DLG2: variants seen among roughly 807,000 people sequenced by gnomAD.
DLG2 encodes the protein discs large MAGUK scaffold protein 2, also known as disks large homolog 2.
DLG2 carries 45 observed loss-of-function variants against 132.5 expected under a neutral mutation model. The observed-to-expected ratio is 0.34, with a 90% confidence interval of 0.27 to 0.44. The LOEUF (loss-of-function observed/expected upper bound fraction) is 0.44, where lower values mean the gene tolerates loss of function less well. Ranked by LOEUF, DLG2 falls within the 20% of genes least tolerant of loss-of-function variation. The probability of loss-of-function intolerance (pLI) is 1.00; values close to 1 mark genes in which losing one functional copy is unlikely to be tolerated. For missense variants in DLG2, 1,045 were observed against 1,196.9 expected, an observed-to-expected ratio of 0.87 and a Z score of 1.87; for synonymous variants, 424 against 419.6, an observed-to-expected ratio of 1.01 and a Z score of -0.13.
chr11:85,066,796 C>A (rs1303444550), intron 6 of DLG2, among the ~76,000 whole-genome samples: 3 of 151,496 alleles, frequency 2.0e-5, no homozygotes, highest in African/African-American at 4.8e-5. Flanking sequence ...AGCTTCAAGA[C>A]AATAAAAGCC....
At chr11:84,080,992 CA>C (rs10707492) in intron 10 of DLG2, among the ~76,000 whole-genome samples, 125,447 of 137,172 alleles carry the variant, frequency 0.91, 57,416 homozygotes, top group East Asian at 0.99. Context: ...AACTCTGTCT[CA>C]AAAAAAAAAA....
intron 6 of DLG2, among the ~76,000 whole-genome samples, chr11:85,053,215 T>C (rs1479983140): frequency 6.6e-6 from 1 of 152,098 alleles, no homozygotes; most frequent in Admixed American, 6.6e-5. Context: ...CTTCCAGCCC[T>C]GCCATTCCAT....
intron 4 of DLG2, among the ~76,000 whole-genome samples, chr11:85,240,638 G>A (rs1157721792): frequency 6.6e-6 from 1 of 151,626 alleles, no homozygotes; most frequent in East Asian, 1.9e-4. Context: ...CTGTATGTGT[G>A]GTCAGTTTAT....
At chr11:83,656,309 C>T (rs772694872) in intron 18 of DLG2, among the ~76,000 whole-genome samples, 4 of 152,216 alleles carry the variant, frequency 2.6e-5, no homozygotes, top group Non-Finnish European at 5.9e-5. Context: ...GGTTGAATCC[C>T]TGCAGGCAAC....
chr11:84,190,320 T>C (rs1403011071), intron 8 of DLG2, among the ~76,000 whole-genome samples: 1 of 152,164 alleles, frequency 6.6e-6, no homozygotes, highest in East Asian at 1.9e-4. Flanking sequence ...GACTTTACTA[T>C]GACTAGAAAA....
intron 9 of DLG2, among the ~76,000 whole-genome samples, chr11:84,112,748 G>T (rs1040154453): frequency 1.3e-5 from 2 of 152,068 alleles, no homozygotes; most frequent in African/African-American, 4.8e-5. Context: ...ACCTTGACTA[G>T]GCAAGAGGGA....
At chr11:84,131,361 G>C (rs574481113) in intron 9 of DLG2, among the ~76,000 whole-genome samples, 22 of 152,072 alleles carry the variant, frequency 1.4e-4, no homozygotes, top group Non-Finnish European at 2.5e-4. Flanking sequence ...TGAGCCCTTT[G>C]AGTGGATTTG....
intron 7 of DLG2, among the ~76,000 whole-genome samples, chr11:84,413,844 G>A (rs1344540630): frequency 6.6e-6 from 1 of 151,940 alleles, no homozygotes; most frequent in African/African-American, 2.4e-5. Context: ...TTTTTCTTCA[G>A]TATAATTATC....
intron 6 of DLG2, among the ~76,000 whole-genome samples, chr11:84,868,177 A>C (rs534632512): frequency 6.8e-6 from 1 of 148,140 alleles, no homozygotes; most frequent in Admixed American, 6.8e-5. Context: ...TATTATTATT[A>C]TTGTTATGGA....
At chr11:84,545,570 G>C in intron 6 of DLG2, 1 of 374,442 alleles carries the variant, frequency 2.7e-6, no homozygotes, top group South Asian at 2.3e-5. Context: ...AACACTCTTT[G>C]AAGTTTCCTA....
In DLG2 at chr11:83,888,145, A is replaced by T. The variant is rs945752459; in HGVS notation, c.1497-13657T>A. ...AAATAAAGGGTATTCAATTAGGAAA[A>T]GAGGAAGTCAAATTGTCCCTGTTTG... On this transcript the variant is annotated intron_variant, in intron 15 of 27. Transcript: ENST00000376104. Among the ~76,000 whole-genome samples, 460 of 150,948 alleles carry T rather than the reference A, an allele frequency of 3.0e-3. 6 individuals carry two copies. Among genetic ancestry groups the T allele is most frequent in the African/African-American group, 0.011 (438 of 41,104 alleles).
intron 7 of DLG2, among the ~76,000 whole-genome samples, chr11:84,256,101 A>G (rs1289362147): frequency 6.6e-6 from 1 of 151,968 alleles, no homozygotes; most frequent in Non-Finnish European, 1.5e-5. Context: ...TTACATGAAC[A>G]ATTTTGTTTA....
chr11:85,486,627 C>T (rs939115365), intron 3 of DLG2, among the ~76,000 whole-genome samples: 4 of 152,158 alleles, frequency 2.6e-5, no homozygotes, highest in African/African-American at 9.7e-5. Flanking sequence ...CACCCACACA[C>T]ACATGGTACC....
In DLG2 at chr11:85,367,370, G is replaced by C. The variant is rs566936610; in HGVS notation, c.41-82005C>G. ...TTTCTCTACCTAACTTTTCCTGTCA[G>C]TAAAATGGGAATAATGATATTAGCA... On this transcript the variant is annotated intron_variant, in intron 3 of 27. Transcript: ENST00000376104. Among the ~76,000 whole-genome samples, 39 of 152,188 alleles carry C rather than the reference G, an allele frequency of 2.6e-4. No homozygotes were observed. The East Asian group carries it at 7.5e-3, about 29-fold the overall frequency.
intron 3 of DLG2, among the ~76,000 whole-genome samples, chr11:85,337,973 T>C (rs1396341089): frequency 6.6e-6 from 1 of 152,164 alleles, no homozygotes; most frequent in Non-Finnish European, 1.5e-5. Flanking sequence ...GCAGAAATAA[T>C]TAATAAGGTG....
At chr11:83,598,418 T>C (rs1055925387) in intron 19 of DLG2, among the ~76,000 whole-genome samples, 1 of 152,222 alleles carries the variant, frequency 6.6e-6, no homozygotes, top group African/African-American at 2.4e-5. Flanking sequence ...AGAATATGGC[T>C]GCTTATTGGA....
chr11:85,526,125 AT>A (rs2074723034), intron 3 of DLG2, among the ~76,000 whole-genome samples: 1 of 152,224 alleles, frequency 6.6e-6, no homozygotes, highest in Non-Finnish European at 1.5e-5. Flanking sequence ...GTGGGGAAGA[AT>A]TAGCCCTAGA....
chr11:85,214,079 T>C (rs2082420896), intron 4 of DLG2, among the ~76,000 whole-genome samples: 3 of 152,122 alleles, frequency 2.0e-5, no homozygotes, highest in African/African-American at 4.8e-5. Context: ...AACTTCAGGG[T>C]AGAACAAGAA....
chr11:85,064,811 C>T (rs1566771074), intron 6 of DLG2, among the ~76,000 whole-genome samples: 1 of 151,410 alleles, frequency 6.6e-6, no homozygotes, highest in Non-Finnish European at 1.5e-5. Flanking sequence ...CTGAGGATCC[C>T]CAAAGAAGAG....
Sources: allele counts gnomAD v4.1 joint callset (sites outside exome capture counted in the v4.1 genomes callset), GRCh38; gene constraint gnomAD v4.1.1; transcripts MANE v1.5; gene names NCBI Gene and HGNC (gene_info 2026-07-23, HGNC 2026-07-21).